Variants in TMEM132D observed in about 807,000 individuals in gnomAD.
TMEM132D encodes the protein mature OL transmembrane protein.
Under a neutral mutation model 62.3 loss-of-function variants are expected in TMEM132D, and 21 were observed. The observed-to-expected ratio is 0.34, with a 90% CI of 0.24 to 0.49. TMEM132D has a LOEUF of 0.49. TMEM132D is among the 20% of genes least tolerant of loss of function. The pLI is 0.99. For missense variants in TMEM132D, 1,346 were observed against 1,402.8 expected, an observed-to-expected ratio of 0.96 and a Z score of 0.65; for synonymous variants, 621 against 575.6, an observed-to-expected ratio of 1.08 and a Z score of -1.13.
At chr12:129,193,235 G>A (rs1878457730) in intron 5 of TMEM132D, among the ~76,000 whole-genome samples, 1 of 151,360 alleles carries the variant, frequency 6.6e-6, no homozygotes, top group Non-Finnish European at 1.5e-5. Context: ...GTGTTTAATT[G>A]CCTGCATGTT....
intron 3 of TMEM132D, among the ~76,000 whole-genome samples, chr12:129,479,493 C>T (rs181635170): frequency 8.8e-4 from 134 of 152,026 alleles, no homozygotes; most frequent in African/African-American, 2.8e-3. Context: ...CCATCGCAGG[C>T]GTGAAACTCA....
chr12:129,544,959 A>C (rs879470418), intron 2 of TMEM132D, among the ~76,000 whole-genome samples: 19 of 152,210 alleles, frequency 1.2e-4, no homozygotes, highest in Non-Finnish European at 2.5e-4. Context: ...CCTTTACAAC[A>C]GCCGCATCCC....
intron 3 of TMEM132D, among the ~76,000 whole-genome samples, chr12:129,378,795 A>G (rs1248852288): frequency 1.3e-5 from 2 of 152,218 alleles, no homozygotes; most frequent in Non-Finnish European, 2.9e-5. Context: ...TACTTTTTCA[A>G]TGGGGACTTA....
chr12:129,097,167 G>A (rs773597213), intron 5 of TMEM132D, among the ~76,000 whole-genome samples: 1 of 152,242 alleles, frequency 6.6e-6, no homozygotes, highest in Non-Finnish European at 1.5e-5. Context: ...AGTGTAGGCT[G>A]CTGAGCAGCA....
chr12:129,698,778 GGAGAAAGAGAGGGA>G (rs1157291740), intron 2 of TMEM132D, among the ~76,000 whole-genome samples: 1 of 145,700 alleles, frequency 6.9e-6, no homozygotes, highest in African/African-American at 2.6e-5. Context: ...AAAGAGAGAG[GGAGAAAGAGAGGGA>G]GAAAGAAAAG....
intron 1 of TMEM132D, among the ~76,000 whole-genome samples, chr12:129,720,828 T>C (rs1440892652): frequency 2.1e-4 from 32 of 152,246 alleles, no homozygotes; most frequent in Admixed American, 2.1e-3. Flanking sequence ...ATTAATCACC[T>C]ATAAATCAAT....
intron 1 of TMEM132D, among the ~76,000 whole-genome samples, chr12:129,888,003 C>A (rs2137391516): frequency 6.6e-6 from 1 of 152,260 alleles, no homozygotes; most frequent in African/African-American, 2.4e-5. Context: ...CTATTGTTGA[C>A]ACTGTTCCCC....
At chr12:129,179,920 C>A (rs537151333) in intron 5 of TMEM132D, among the ~76,000 whole-genome samples, 1 of 151,822 alleles carries the variant, frequency 6.6e-6, no homozygotes, top group Non-Finnish European at 1.5e-5. Context: ...CCCAGCTACT[C>A]GGGAGGCTGA....
intron 3 of TMEM132D, among the ~76,000 whole-genome samples, chr12:129,524,034 G>A (rs1191605593): frequency 1.3e-5 from 2 of 151,686 alleles, no homozygotes; most frequent in African/African-American, 4.8e-5. Flanking sequence ...TGAACAATGA[G>A]AACACATGGA....
intron 2 of TMEM132D, among the ~76,000 whole-genome samples, chr12:129,534,811 G>A (rs1876334247): frequency 1.3e-5 from 2 of 152,140 alleles, no homozygotes; most frequent in African/African-American, 4.8e-5. Flanking sequence ...CCAGCCTTGT[G>A]GCCCTGCTAC....
chr12:129,295,786 A>C (rs1337264047), intron 4 of TMEM132D, among the ~76,000 whole-genome samples: 1 of 152,184 alleles, frequency 6.6e-6, no homozygotes. Flanking sequence ...CTGATTATAC[A>C]CTTTAAATCA....
intron 4 of TMEM132D, among the ~76,000 whole-genome samples, chr12:129,296,034 A>G (rs1371429556): frequency 6.6e-6 from 1 of 151,904 alleles, no homozygotes; most frequent in Non-Finnish European, 1.5e-5. Flanking sequence ...ATATATATGA[A>G]CATGCACACA....
chr12:129,536,118 A>G (rs141851815), intron 2 of TMEM132D, among the ~76,000 whole-genome samples: 26 of 152,342 alleles, frequency 1.7e-4, no homozygotes, highest in African/African-American at 6.3e-4. Flanking sequence ...AGATTTGTCT[A>G]CATGTGTCTC....
chr12:129,175,871 G>C (rs1263198250), intron 5 of TMEM132D, among the ~76,000 whole-genome samples: 1 of 152,168 alleles, frequency 6.6e-6, no homozygotes, highest in Non-Finnish European at 1.5e-5. Flanking sequence ...AATCCTTCTA[G>C]GTTTAGTAGA....
At chr12:129,577,801 C>G (rs1593072944) in intron 2 of TMEM132D, among the ~76,000 whole-genome samples, 1 of 151,956 alleles carries the variant, frequency 6.6e-6, no homozygotes, top group Non-Finnish European at 1.5e-5. Flanking sequence ...AAGGTCACCT[C>G]TGTGTGTGTG....
At chr12:129,628,571 G>T (rs570122383) in intron 2 of TMEM132D, among the ~76,000 whole-genome samples, 1 of 152,244 alleles carries the variant, frequency 6.6e-6, no homozygotes, top group East Asian at 1.9e-4. Context: ...TAGACTTTGG[G>T]GATTCCACAG....
intron 4 of TMEM132D, among the ~76,000 whole-genome samples, chr12:129,306,659 G>A (rs929048536): frequency 6.6e-6 from 1 of 152,148 alleles, no homozygotes; most frequent in African/African-American, 2.4e-5. Flanking sequence ...GGTTCTGAGT[G>A]GTCCTACAGC....
At chr12:129,219,695 T>C (rs1436911284) in intron 4 of TMEM132D, among the ~76,000 whole-genome samples, 4 of 152,268 alleles carry the variant, frequency 2.6e-5, no homozygotes, top group Admixed American at 2.0e-4. Flanking sequence ...GTTTCAGAAG[T>C]AATTCTTCTT....
At chr12:129,472,378 G>C (rs1874117677) in intron 3 of TMEM132D, among the ~76,000 whole-genome samples, 1 of 152,156 alleles carries the variant, frequency 6.6e-6, no homozygotes, top group Admixed American at 6.5e-5. Flanking sequence ...AGTGGGAGTT[G>C]AGCAATGAGA....
Sources: allele counts gnomAD v4.1 joint callset (sites outside exome capture counted in the v4.1 genomes callset), GRCh38; gene constraint gnomAD v4.1.1; transcripts MANE v1.5; gene names NCBI Gene and HGNC (gene_info 2026-07-23, HGNC 2026-07-21).